The following TSHZ1 variants were observed in gnomAD, a reference collection of about 807,000 sequenced individuals.
TSHZ1 encodes the protein teashirt zinc finger homeobox 1, also known as teashirt homolog 1.
A neutral mutation model predicts 67.1 loss-of-function variants in TSHZ1; 12 were observed. That is an observed-to-expected ratio of 0.18 (90% CI 0.11 to 0.29). The LOEUF (loss-of-function observed/expected upper bound fraction) is 0.29, where lower values mean the gene tolerates loss of function less well. Ranked by LOEUF, TSHZ1 falls within the 10% of genes least tolerant of loss-of-function variation. The pLI is 1.00. For synonymous variants in TSHZ1, 632 were observed against 622.4 expected, an observed-to-expected ratio of 1.02 and a Z score of -0.23; for missense variants, 1,305 against 1,413.9, an observed-to-expected ratio of 0.92 and a Z score of 1.23.
intron 1 of TSHZ1, among the ~76,000 whole-genome samples, chr18:75,216,930 G>A (rs1367439157): frequency 6.6e-6 from 1 of 152,132 alleles, no homozygotes; most frequent in Non-Finnish European, 1.5e-5. Context: ...CCAGCCAAAC[G>A]CCAGACTCAC....
intron 1 of TSHZ1, among the ~76,000 whole-genome samples, chr18:75,212,504 C>T (rs929862657): frequency 6.6e-6 from 1 of 151,992 alleles, no homozygotes; most frequent in African/African-American, 2.4e-5. Flanking sequence ...TTATTTTTCT[C>T]TGGAGGAGGA....
Position 75,281,142 on chromosome 18 carries a change from G to A in TSHZ1, c.41-4306G>A, listed in dbSNP as rs2023679584. 6.6e-6 allele frequency among the ~76,000 whole-genome samples: 1 copy of A among 152,218 alleles called. No individual in the cohort carries two copies. The highest frequency in any genetic ancestry group is 2.4e-5 in the African/African-American group (1 of 41,464). ...TCGGGAGCACAGCGTCTGCTGGAAG[G>A]GAGAATGTCACGGACCAGGAGTGGA... On this transcript the variant is annotated intron_variant, in intron 1 of 1. Transcript: ENST00000580243. This position sits in a 1 kb window ranked among gnomAD's most constrained non-coding sequence, Gnocchi z 5.3.
intron 1 of TSHZ1, among the ~76,000 whole-genome samples, chr18:75,224,061 TAAAA>T (rs11347694): frequency 3.4e-5 from 4 of 117,876 alleles, no homozygotes; most frequent in African/African-American, 9.3e-5. Context: ...TTTAAACTTG[TAAAA>T]AAAAAAAAAA....
chr18:75,228,724 A>G (rs1052538176), intron 1 of TSHZ1, among the ~76,000 whole-genome samples: 6 of 152,226 alleles, frequency 3.9e-5, no homozygotes, highest in Admixed American at 2.0e-4. Context: ...GGAGCTGGGT[A>G]TACAGGATGG....
chr18:75,257,962 G>A (rs931185295), intron 1 of TSHZ1, among the ~76,000 whole-genome samples: 4 of 152,196 alleles, frequency 2.6e-5, no homozygotes, highest in African/African-American at 4.8e-5. Flanking sequence ...TCACAGCCTC[G>A]TCATCAGAGG....
chr18:75,245,585 G>T (rs1450320373), intron 1 of TSHZ1, among the ~76,000 whole-genome samples: 2 of 152,186 alleles, frequency 1.3e-5, no homozygotes, highest in Non-Finnish European at 2.9e-5. Context: ...CAAGAATGGA[G>T]AATTTTTAAA....
rs187639649 is a variant in TSHZ1, at chr18:75,238,029, C to T, written c.40+26113C>T. ...GTTTCTCCATGTTGGTCAGGCTGGGCACCTCAGGTGATCCGCCCACCTTGG... is the reference window on the plus strand; with the variant it reads ...GTTTCTCCATGTTGGTCAGGCTGGGTACCTCAGGTGATCCGCCCACCTTGG... On this transcript the variant is annotated intron_variant, in intron 1 of 1. Transcript: ENST00000580243. 7.9e-5 allele frequency among the ~76,000 whole-genome samples: 12 copies of T among 152,216 alleles called. No individual in the cohort carries two copies. The East Asian group carries it at 1.4e-3, about 17-fold the overall frequency.
At chr18:75,240,470 G>T (rs1014611760) in intron 1 of TSHZ1, among the ~76,000 whole-genome samples, 1 of 152,092 alleles carries the variant, frequency 6.6e-6, no homozygotes, top group Non-Finnish European at 1.5e-5. Flanking sequence ...TACCCAAAGA[G>T]GGTTGGGTTG....
At chr18:75,230,806 G>A (rs1011741484) in intron 1 of TSHZ1, among the ~76,000 whole-genome samples, 12 of 152,212 alleles carry the variant, frequency 7.9e-5, no homozygotes, top group African/African-American at 2.4e-4. Context: ...GAACAAAGGA[G>A]GGTGTGGAAA....
Position 75,286,935 on chromosome 18 carries a change from G to T in TSHZ1, c.1528G>T (p.Ala510Ser). 1 of 1,614,196 alleles carries T rather than the reference G, an allele frequency of 6.2e-7. No homozygotes were observed. The highest frequency in any genetic ancestry group is 2.2e-5 in the East Asian group (1 of 44,882). The change falls in exon 2 of 2, where the codon GCT becomes TCT. Residue 510 changes from alanine (A) to serine (S), a missense_variant. By Grantham distance (99) the Ala-to-Ser change is moderately conservative. This residue lies in a region of TSHZ1 where 909 missense variants were observed against 961.8 expected (regional missense o/e 0.95). Transcript: ENST00000580243. This position sits in a 1 kb window ranked among gnomAD's most constrained non-coding sequence, Gnocchi z 5.1. ...GCCAGAGAAGGAGAAGCCGCCTGTGGCTGGCGACGCGGAGAAGATCAAGGA... is the reference window on the plus strand; with the variant it reads ...GCCAGAGAAGGAGAAGCCGCCTGTGTCTGGCGACGCGGAGAAGATCAAGGA... The part of the protein sequence containing the change: ...KEPEKEKPPV[A>S]GDAEKIKEES...
intron 1 of TSHZ1, among the ~76,000 whole-genome samples, chr18:75,222,578 T>C (rs1244072677): frequency 1.3e-5 from 2 of 152,146 alleles, no homozygotes; most frequent in Non-Finnish European, 2.9e-5. Flanking sequence ...TCAGGTTCAA[T>C]GCTGGTGACA....
At chr18:75,236,518 C>T (rs2023073547) in intron 1 of TSHZ1, among the ~76,000 whole-genome samples, 1 of 152,168 alleles carries the variant, frequency 6.6e-6, no homozygotes, top group Non-Finnish European at 1.5e-5. Context: ...TAGCATTCTT[C>T]TGTTTTCAGT....
At chr18:75,258,952 T>C (rs2023396578) in intron 1 of TSHZ1, among the ~76,000 whole-genome samples, 1 of 152,224 alleles carries the variant, frequency 6.6e-6, no homozygotes, top group Non-Finnish European at 1.5e-5. Context: ...TACAAAGTTA[T>C]AAAGCATTGA....
rs1374418018 is a variant in TSHZ1 at position 75,234,582 on chromosome 18, G to GA, written c.40+22668dup. 3.9e-3 allele frequency among the ~76,000 whole-genome samples: 592 copies of GA among 150,848 alleles called. 1 individual carries two copies. The highest frequency in any genetic ancestry group is 7.1e-3 in the South Asian group (34 of 4,798). ...TGCTAGGGCTTCTGCATGGTTATTT[G>GA]AAGGGGTTTTTTTTTCCCCCCATTA... On this transcript the variant is annotated intron_variant, in intron 1 of 1. Coordinates refer to ENST00000580243, the MANE Select transcript of TSHZ1 (RefSeq NM_001308210.2).
At chr18:75,260,687 C>T (rs1006913344) in intron 1 of TSHZ1, among the ~76,000 whole-genome samples, 23 of 152,126 alleles carry the variant, frequency 1.5e-4, no homozygotes, top group Non-Finnish European at 2.4e-4. Context: ...ACCACTGCCC[C>T]GGCCTTTTCA....
chr18:75,213,530 C>T (rs533348385), intron 1 of TSHZ1, among the ~76,000 whole-genome samples: 4 of 152,138 alleles, frequency 2.6e-5, no homozygotes, highest in Non-Finnish European at 4.4e-5. Flanking sequence ...TACTCCTGTA[C>T]TCTTAAGAAC....
Position 75,210,866 on chromosome 18 carries a change from G to C in TSHZ1, c.-1011G>C, listed in dbSNP as rs1488885791. The C allele has an allele frequency of 6.8e-6, 1 of 146,448 alleles. No individual in the cohort carries two copies. Among genetic ancestry groups the C allele is most frequent in the Admixed American group, 6.8e-5 (1 of 14,782 alleles). 9.1% of individuals were successfully genotyped at this position (146,448 alleles called of 1,614,324 possible). ...TTTCACTGAAAAGAGGAGAGAGCGA[G>C]AGTGCATCTCCCTCTCTCCCAGGAG... is the stretch of plus-strand genomic sequence containing the variant. On this transcript the variant is annotated 5_prime_UTR_variant, in exon 1 of 2. Transcript: ENST00000580243.
At chr18:75,240,169 A>G (rs1461956308) in intron 1 of TSHZ1, among the ~76,000 whole-genome samples, 1 of 152,224 alleles carries the variant, frequency 6.6e-6, no homozygotes, top group Non-Finnish European at 1.5e-5. Context: ...TATGGTTTTA[A>G]TAAGCAAAGC....
At chr18:75,227,996 A>AT (rs1430281533) in intron 1 of TSHZ1, among the ~76,000 whole-genome samples, 1 of 152,208 alleles carries the variant, frequency 6.6e-6, no homozygotes, top group African/African-American at 2.4e-5. Flanking sequence ...GCAAAGATTG[A>AT]TTGTGGATAT....
Sources: gnomAD v4.1 joint callset for allele counts (sites outside exome capture counted in the v4.1 genomes callset) on GRCh38, gnomAD v4.1.1 for gene constraint, gnomAD v4.1.1 regional missense constraint, Gnocchi (gnomAD v3.1) non-coding constraint, MANE v1.5 for transcripts, NCBI Gene and HGNC (gene_info 2026-07-23, HGNC 2026-07-21) for gene names.